The following PCLO variants were observed in gnomAD, a reference collection of about 807,000 sequenced individuals.
PCLO encodes piccolo presynaptic cytomatrix protein, also known as protein piccolo.
PCLO carries 82 observed loss-of-function variants against 427.5 expected under a neutral mutation model. The observed-to-expected ratio is 0.19, with a 90% CI of 0.16 to 0.23. The LOEUF (loss-of-function observed/expected upper bound fraction) is 0.23, where lower values mean the gene tolerates loss of function less well. PCLO is among the 10% of genes least tolerant of loss of function. PCLO has a pLI of 1.00. For synonymous variants in PCLO, 2,357 were observed against 2,155.4 expected, an observed-to-expected ratio of 1.09 and a Z score of -2.59; for missense variants, 6,239 against 6,115.9, an observed-to-expected ratio of 1.02 and a Z score of -0.67.
chr7:82,951,602 C>A, intron 5 of PCLO, 112 bp from the exon 6 acceptor site: 1 of 864,802 alleles, frequency 1.2e-6, no homozygotes, highest in Non-Finnish European at 1.8e-6. Flanking sequence ...TGCAAATCCA[C>A]AGGGTAACCT....
chr7:82,892,161 T>A (rs966372587), intron 9 of PCLO, among the ~76,000 whole-genome samples: 1 of 151,928 alleles, frequency 6.6e-6, no homozygotes, highest in Non-Finnish European at 1.5e-5. Flanking sequence ...GCATCACACC[T>A]CCTGACTTCA....
chr7:83,146,777 T>A (rs1235443519), intron 2 of PCLO, among the ~76,000 whole-genome samples: 3 of 152,014 alleles, frequency 2.0e-5, no homozygotes, highest in Non-Finnish European at 4.4e-5. Flanking sequence ...ATTTTTTGTA[T>A]TTTTAGCAGA....
At chr7:82,849,466 T>G (rs1792591650) in intron 10 of PCLO, among the ~76,000 whole-genome samples, 1 of 152,158 alleles carries the variant, frequency 6.6e-6, no homozygotes, top group African/African-American at 2.4e-5. Context: ...CATTGCTTGT[T>G]GCCTACAGTG....
chr7:82,856,541 G>A (rs1792810973), intron 10 of PCLO, among the ~76,000 whole-genome samples: 1 of 152,136 alleles, frequency 6.6e-6, no homozygotes, highest in African/African-American at 2.4e-5. Context: ...GTGGCTGAAT[G>A]AGGCAGAATA....
Position 82,953,832 on chromosome 7 carries a change from G to A in PCLO, c.7121C>T (p.Ser2374Phe), listed in dbSNP as rs750800920. 5 of 1,612,576 alleles carry A rather than the reference G, an allele frequency of 3.1e-6. No individual in the cohort carries two copies. Among genetic ancestry groups the A allele is most frequent in the South Asian group, 1.1e-5 (1 of 90,992 alleles). Residue 2374 changes from serine (S) to phenylalanine (F), a missense_variant, in exon 5 of 25, where the codon TCT (serine) becomes TTT (phenylalanine). Coordinates refer to ENST00000333891, the MANE Select transcript of PCLO (RefSeq NM_033026.6). The part of the protein sequence containing the change: ...GETFGQEKPA[S>F]QLPSGSPSVS... ...AGAAGGACTGCCAGATGGTAACTGA[G>A]ATGCAGGTTTTTCCTGACCAAAGGT...
At position 83,096,953 on chromosome 7, in the gene PCLO, AATAAT is replaced by A. The variant is rs1242962022; in HGVS notation, c.3300+37292_3300+37296del. ...AATATAATATATTATATATTATATA[AATAAT>A]ATAATATAATATATTATATATTATA... On this transcript the variant is annotated intron_variant, in intron 3 of 24. Transcript: ENST00000333891. Among the ~76,000 whole-genome samples the A allele has an allele frequency of 2.2e-3, 77 of 34,838 alleles. 11 individuals carry two copies. The South Asian group carries it at 0.023, about 10-fold the overall frequency. 22.9% of individuals were successfully genotyped at this position (34,838 alleles called of 152,430 possible).
chr7:82,932,125 GA>G (rs1463065059), intron 6 of PCLO, among the ~76,000 whole-genome samples: 1 of 152,122 alleles, frequency 6.6e-6, no homozygotes, highest in Admixed American at 6.6e-5. Flanking sequence ...AATGAGAAAG[GA>G]AACTGAGTAA....
In PCLO at chr7:83,134,376, G is replaced by C; in HGVS notation, c.3174C>G (p.Thr1058=). The change falls in exon 3 of 25, where the codon ACC becomes ACG. Residue 1058 remains threonine (T), a synonymous_variant. Transcript: ENST00000333891. ...TGAGTTCAGTTTTGCAGAGAGGACA[G>C]GTTGATTCTGGTTTGGGCGATTTCT... is the stretch of plus-strand genomic sequence containing the variant. The part of the protein sequence containing the change: ...KLEKSPKPES[T]CPLCKTELNI... 7.4e-6 allele frequency: 12 copies of C among 1,613,722 alleles called. No homozygotes were observed. The highest frequency in any genetic ancestry group is 1.0e-5 in the Non-Finnish European group (12 of 1,179,820).
chr7:82,879,538 A>G, intron 9 of PCLO, 76 bp from the exon 10 acceptor site: 1 of 1,126,666 alleles, frequency 8.9e-7, no homozygotes, highest in Non-Finnish European at 1.3e-6. Flanking sequence ...CAGAGAGCAC[A>G]AAAAGTAGGT....
chr7:82,898,982 T>G (rs545850214), intron 9 of PCLO, among the ~76,000 whole-genome samples: 1 of 151,490 alleles, frequency 6.6e-6, no homozygotes, highest in South Asian at 2.1e-4. Flanking sequence ...CACTCAGTGG[T>G]AATTATAGTT....
Position 82,951,314 on chromosome 7 carries a change from A to T in PCLO, c.9274T>A (p.Ser3092Thr). Reference sequence around the variant, plus strand: ...GTAGAGGGTGTTGGAGTTGCTACTGAAGAATAGACAACACCATTAGATGAC... The same window carrying T: ...GTAGAGGGTGTTGGAGTTGCTACTGTAGAATAGACAACACCATTAGATGAC... The part of the protein sequence containing the change: ...LRSSNGVVYS[S>T]VATPTPSTFA... The change falls in exon 6 of 25, where the codon TCA becomes ACA. Residue 3092 changes from serine to threonine, a missense_variant. Physicochemically the swap from Ser to Thr is moderately conservative, Grantham distance 58. Around this residue, in one of 5 missense-constraint regions of PCLO, gnomAD observed 4,677 missense variants for 4,468.4 expected, o/e 1.05. Coordinates refer to ENST00000333891, the MANE Select transcript of PCLO (RefSeq NM_033026.6). 2 of 1,612,396 alleles carry T rather than the reference A, an allele frequency of 1.2e-6. No homozygotes were observed. Among genetic ancestry groups the T allele is most frequent in the Non-Finnish European group, 1.7e-6 (2 of 1,179,192 alleles).
intron 3 of PCLO, among the ~76,000 whole-genome samples, chr7:83,000,125 T>C (rs1787779929): frequency 6.7e-6 from 1 of 150,146 alleles, no homozygotes; most frequent in Non-Finnish European, 1.5e-5. Context: ...GGATCAAAGA[T>C]ACAGAAAAAT....
chr7:83,111,668 G>A (rs980184424), intron 3 of PCLO, among the ~76,000 whole-genome samples: 1 of 152,120 alleles, frequency 6.6e-6, no homozygotes, highest in Admixed American at 6.6e-5. Context: ...ACTAGACCTC[G>A]AGTGCAGTCT....
chr7:82,858,673 C>T (rs1268321912), intron 10 of PCLO, among the ~76,000 whole-genome samples: 1 of 152,020 alleles, frequency 6.6e-6, no homozygotes, highest in Non-Finnish European at 1.5e-5. Context: ...CACTTCTAAA[C>T]ACTGACAAAC....
rs372903743 is a variant in PCLO, at chr7:82,954,379, A to G, written c.6574T>C (p.Cys2192Arg). 1 of 1,613,916 alleles carries G rather than the reference A, an allele frequency of 6.2e-7. No homozygotes were observed. The highest frequency in any genetic ancestry group is 2.2e-5 in the East Asian group (1 of 44,864). The change falls in exon 5 of 25, where the codon TGT becomes CGT. Residue 2192 changes from cysteine (C) to arginine (R), a missense_variant. Physicochemically the swap from Cys to Arg is radical, Grantham distance 180. Coordinates refer to ENST00000333891, the MANE Select transcript of PCLO (RefSeq NM_033026.6). ...PSLTSSVSSV[C>R]TTDSSSPITT... ...ATGGGTGAAGAGCTATCTGTGGTACAGACCGAAGAAACAGATGATGTGAGA... is the reference window on the plus strand; with the variant it reads ...ATGGGTGAAGAGCTATCTGTGGTACGGACCGAAGAAACAGATGATGTGAGA...
intron 3 of PCLO, among the ~76,000 whole-genome samples, chr7:83,067,767 T>G (rs1789704404): frequency 1.3e-5 from 2 of 152,244 alleles, no homozygotes; most frequent in African/African-American, 4.8e-5. Flanking sequence ...TTATACCTTT[T>G]CTTCTGCTCT....
chr7:82,796,766 G>T (rs1315225118), intron 22 of PCLO, among the ~76,000 whole-genome samples: 3 of 148,644 alleles, frequency 2.0e-5, no homozygotes, highest in African/African-American at 7.5e-5. Context: ...GTACACACCT[G>T]GTTCAGCAAG....
At chr7:83,053,280 AAAT>A (rs1269420332) in intron 3 of PCLO, among the ~76,000 whole-genome samples, 1 of 139,234 alleles carries the variant, frequency 7.2e-6, no homozygotes, top group Non-Finnish European at 1.6e-5. Context: ...CTGCTCTTAT[AAAT>A]AATATGTCTT....
At chr7:82,984,998 AT>A (rs2115801233) in intron 3 of PCLO, among the ~76,000 whole-genome samples, 1 of 152,124 alleles carries the variant, frequency 6.6e-6, no homozygotes, top group Admixed American at 6.6e-5. Flanking sequence ...TACAATTACC[AT>A]TTCCATTTTA....
Sources: allele counts gnomAD v4.1 joint callset (sites outside exome capture counted in the v4.1 genomes callset), GRCh38; gene constraint gnomAD v4.1.1; regional missense constraint gnomAD v4.1.1; transcripts MANE v1.5; gene names NCBI Gene and HGNC (gene_info 2026-07-23, HGNC 2026-07-21).